The following ILRUN variants were observed in gnomAD, a reference collection of about 807,000 sequenced individuals.
The protein encoded by ILRUN is protein ILRUN.
Under a neutral mutation model 33.8 loss-of-function variants are expected in ILRUN, and 3 were observed. The observed-to-expected ratio is 0.09, with a 90% confidence interval of 0.04 to 0.23. The LOEUF (loss-of-function observed/expected upper bound fraction) is 0.23, where lower values mean the gene tolerates loss of function less well. Ranked by LOEUF, ILRUN falls within the 10% of genes least tolerant of loss-of-function variation. The probability of loss-of-function intolerance (pLI) is 1.00; values close to 1 mark genes in which losing one functional copy is unlikely to be tolerated. For missense variants in ILRUN, 210 were observed against 375.1 expected (o/e 0.56, Z 3.64); for synonymous variants, 124 against 138.9 (o/e 0.89, Z 0.75).
chr6:34,619,127 C>T (rs1003943907), intron 3 of ILRUN, among the ~76,000 whole-genome samples: 1 of 152,018 alleles, frequency 6.6e-6, no homozygotes, highest in African/African-American at 2.4e-5. Flanking sequence ...AGTAAGAGAT[C>T]AGGAGGTGGA....
In ILRUN at chr6:34,661,853, C is replaced by T. The variant is rs540795567; in HGVS notation, c.159-7074G>A. 7.9e-5 allele frequency among the ~76,000 whole-genome samples: 12 copies of T among 152,146 alleles called. No homozygotes were observed. The East Asian group carries it at 1.2e-3, about 15-fold the overall frequency. On this transcript the variant is annotated intron_variant, in intron 1 of 4. Coordinates refer to ENST00000374023, the MANE Select transcript of ILRUN (RefSeq NM_024294.4). ...TAAAAGACATAGAAGAGGCCAGGCGCGGTGGCTCACGCCTGTAATCCCAGC... is the reference window on the plus strand; with the variant it reads ...TAAAAGACATAGAAGAGGCCAGGCGTGGTGGCTCACGCCTGTAATCCCAGC...
At chr6:34,676,431 T>C (rs1351599909) in intron 1 of ILRUN, among the ~76,000 whole-genome samples, 1 of 151,180 alleles carries the variant, frequency 6.6e-6, no homozygotes, top group Non-Finnish European at 1.5e-5. Context: ...TAGATATAGC[T>C]AGCTAGCTAG....
chr6:34,620,129 G>C (rs1761982990), intron 3 of ILRUN, among the ~76,000 whole-genome samples: 1 of 152,054 alleles, frequency 6.6e-6, no homozygotes, highest in Non-Finnish European at 1.5e-5. Flanking sequence ...TATAGCAGGA[G>C]GATGGGACTA....
chr6:34,664,510 A>G (rs997997273), intron 1 of ILRUN, among the ~76,000 whole-genome samples: 3 of 152,160 alleles, frequency 2.0e-5, no homozygotes, highest in Admixed American at 6.5e-5. Flanking sequence ...TTTCCTTCAT[A>G]ATAACTCTGC....
At chr6:34,682,419 A>G (rs968483116) in intron 1 of ILRUN, among the ~76,000 whole-genome samples, 8 of 151,542 alleles carry the variant, frequency 5.3e-5, no homozygotes, top group Non-Finnish European at 1.2e-4. Context: ...CACCAGGCCC[A>G]GCTAATTTTT....
intron 1 of ILRUN, among the ~76,000 whole-genome samples, chr6:34,675,375 TC>T (rs1463346859): frequency 1.3e-5 from 2 of 152,198 alleles, no homozygotes; most frequent in East Asian, 3.9e-4. Context: ...GCATTTCAAA[TC>T]ATCAGGGAAA....
chr6:34,636,725 T>C (rs1762374365), intron 3 of ILRUN, among the ~76,000 whole-genome samples: 1 of 152,182 alleles, frequency 6.6e-6, no homozygotes, highest in Non-Finnish European at 1.5e-5. Flanking sequence ...TGTTAAAAAA[T>C]AACCACACAT....
intron 1 of ILRUN, among the ~76,000 whole-genome samples, chr6:34,691,134 C>T (rs543625561): frequency 1.3e-5 from 2 of 152,126 alleles, no homozygotes; most frequent in African/African-American, 2.4e-5. Flanking sequence ...ATGATCCGTC[C>T]GCCTCGGCCT....
At chr6:34,661,465 G>A (rs1762885016) in intron 1 of ILRUN, among the ~76,000 whole-genome samples, 1 of 152,180 alleles carries the variant, frequency 6.6e-6, no homozygotes, top group African/African-American at 2.4e-5. Context: ...GGGGTACTGA[G>A]AAATTTGGAA....
chr6:34,650,461 G>C (rs1411467585), intron 2 of ILRUN, among the ~76,000 whole-genome samples: 2 of 149,836 alleles, frequency 1.3e-5, no homozygotes, highest in African/African-American at 4.9e-5. Context: ...ATGAGTCGGA[G>C]TCTCTGCCGC....
At chr6:34,632,445 TAAAAA>T (rs1226546608) in intron 3 of ILRUN, among the ~76,000 whole-genome samples, 1 of 149,674 alleles carries the variant, frequency 6.7e-6, no homozygotes, top group Non-Finnish European at 1.5e-5. Flanking sequence ...CATCTCAAAA[TAAAAA>T]AAAATAAGTG....
chr6:34,599,860 T>C (rs942140770), intron 4 of ILRUN, among the ~76,000 whole-genome samples: 2 of 152,262 alleles, frequency 1.3e-5, no homozygotes, highest in Non-Finnish European at 2.9e-5. Flanking sequence ...CCATTGATGG[T>C]AGCTCCATCC....
chr6:34,657,649 G>A (rs1328019801), intron 1 of ILRUN, among the ~76,000 whole-genome samples: 1 of 152,146 alleles, frequency 6.6e-6, no homozygotes, highest in Admixed American at 6.5e-5. Flanking sequence ...ACTTTAGCCC[G>A]AGTGATCTAA....
intron 3 of ILRUN, among the ~76,000 whole-genome samples, chr6:34,621,586 T>C (rs1318642258): frequency 1.3e-5 from 2 of 152,190 alleles, no homozygotes; most frequent in African/African-American, 2.4e-5. Flanking sequence ...TGGCCCGGCA[T>C]GGTGGCTCAT....
At chr6:34,639,408 G>T (rs1197772688) in intron 3 of ILRUN, among the ~76,000 whole-genome samples, 5 of 152,164 alleles carry the variant, frequency 3.3e-5, no homozygotes, top group Non-Finnish European at 1.5e-5. Flanking sequence ...ATGGTACAGG[G>T]TAAATCTCTC....
chr6:34,610,242 C>T lies in ILRUN; in HGVS notation c.512-3338G>A, dbSNP rs115343902. Among the ~76,000 whole-genome samples, 665 of 151,876 alleles carry T rather than the reference C, an allele frequency of 4.4e-3. 5 individuals are homozygous for T. The highest frequency in any genetic ancestry group is 0.015 in the African/African-American group (619 of 41,454). On this transcript the variant is annotated intron_variant, in intron 3 of 4. Coordinates refer to ENST00000374023, the MANE Select transcript of ILRUN (RefSeq NM_024294.4). ...TAAACTAGCAACATAAAAGTTAAAC[C>T]TCTTGACTTAACACCACACATGTAG...
chr6:34,656,323 C>T (rs936511474), intron 1 of ILRUN, among the ~76,000 whole-genome samples: 4 of 151,408 alleles, frequency 2.6e-5, no homozygotes, highest in Non-Finnish European at 5.9e-5. Flanking sequence ...TAATTACTCA[C>T]AAATCCCCTT....
chr6:34,649,299 A>T (rs1762615529), intron 2 of ILRUN, among the ~76,000 whole-genome samples: 1 of 152,244 alleles, frequency 6.6e-6, no homozygotes, highest in Non-Finnish European at 1.5e-5. Context: ...GGAAGGGAAT[A>T]CCAGTGAGTT....
At chr6:34,680,167 C>G (rs1018785191) in intron 1 of ILRUN, among the ~76,000 whole-genome samples, 4 of 152,232 alleles carry the variant, frequency 2.6e-5, no homozygotes, top group African/African-American at 9.6e-5. Context: ...TTTAACCTCT[C>G]TAAGCCTCTT....
Sources: gnomAD v4.1 joint callset for allele counts (sites outside exome capture counted in the v4.1 genomes callset) on GRCh38, gnomAD v4.1.1 for gene constraint, MANE v1.5 for transcripts, NCBI Gene and HGNC (gene_info 2026-07-23, HGNC 2026-07-21) for gene names.